PXDNL: variants seen among roughly 807,000 people sequenced by gnomAD.
PXDNL encodes the protein peroxidasin like.
Under a neutral mutation model 150.8 loss-of-function variants are expected in PXDNL, and 145 were observed. The observed-to-expected ratio is 0.96, with a 90% CI of 0.84 to 1.10. The LOEUF is 1.10. Ranked by LOEUF, PXDNL falls within the 50% of genes least tolerant of loss-of-function variation. The pLI is 0.00. For synonymous variants in PXDNL, 757 were observed against 725.7 expected (o/e 1.04, Z -0.69); for missense variants, 2,087 against 1,873.9 (o/e 1.11, Z -2.10).
chr8:51,571,938 T>C (rs983701135), intron 3 of PXDNL, among the ~76,000 whole-genome samples: 7 of 151,908 alleles, frequency 4.6e-5, no homozygotes, highest in Non-Finnish European at 8.8e-5. Context: ...TGAATGACTA[T>C]AGATTATCCC....
At chr8:51,398,303 GC>G (rs1300567597) in intron 17 of PXDNL, among the ~76,000 whole-genome samples, 1 of 152,264 alleles carries the variant, frequency 6.6e-6, no homozygotes, top group African/African-American at 2.4e-5. Flanking sequence ...GAAAGCTGAA[GC>G]AGCTGGGAAC....
chr8:51,713,305 C>G (rs1816537734), intron 1 of PXDNL, among the ~76,000 whole-genome samples: 1 of 152,238 alleles, frequency 6.6e-6, no homozygotes, highest in Non-Finnish European at 1.5e-5. Flanking sequence ...TTCCTTATCT[C>G]AGGTTTGATA....
intron 1 of PXDNL, among the ~76,000 whole-genome samples, chr8:51,658,792 C>G (rs1815208869): frequency 6.6e-6 from 1 of 152,110 alleles, no homozygotes; most frequent in Non-Finnish European, 1.5e-5. Flanking sequence ...TACATATTTT[C>G]TATGTTGTTC....
At position 51,360,146 on chromosome 8, in the gene PXDNL, C is replaced by T. The variant is rs184417047; in HGVS notation, c.3901+11727G>A. ...CACTTACTCATGTGTATCCCAGACA[C>T]GTATATACCTATACATGCATGTATA... is the stretch of plus-strand genomic sequence containing the variant. On this transcript the variant is annotated intron_variant, in intron 19 of 22. Coordinates refer to ENST00000356297, the MANE Select transcript of PXDNL (RefSeq NM_144651.5). Among the ~76,000 whole-genome samples, 102 of 151,780 alleles carry T rather than the reference C, an allele frequency of 6.7e-4. No individual in the cohort carries two copies. The Middle Eastern group carries it at 0.014, about 20-fold the overall frequency.
chr8:51,361,679 T>C (rs1806742678), intron 19 of PXDNL, among the ~76,000 whole-genome samples: 1 of 152,126 alleles, frequency 6.6e-6, no homozygotes, highest in Non-Finnish European at 1.5e-5. Context: ...TGAGAATTCC[T>C]GGCTAGGTGC....
intron 17 of PXDNL, among the ~76,000 whole-genome samples, chr8:51,379,145 AGTGAAC>A (rs1267160451): frequency 3.3e-5 from 5 of 152,128 alleles, no homozygotes; most frequent in African/African-American, 1.2e-4. Context: ...ACAAACTTCC[AGTGAAC>A]GTGGAGTTCC....
At chr8:51,546,176 T>C (rs1402710963) in intron 4 of PXDNL, among the ~76,000 whole-genome samples, 1 of 152,210 alleles carries the variant, frequency 6.6e-6, no homozygotes, top group Non-Finnish European at 1.5e-5. Flanking sequence ...CAGAAAACTG[T>C]GAGTTCCTAA....
At chr8:51,718,942 G>C (rs1246520761) in intron 1 of PXDNL, among the ~76,000 whole-genome samples, 1 of 152,054 alleles carries the variant, frequency 6.6e-6, no homozygotes, top group African/African-American at 2.4e-5. Flanking sequence ...CCGGGAGGGA[G>C]GCGGGGGGCA....
rs1416905379 is a variant in PXDNL, at chr8:51,494,852, T to A, written c.452+4847A>T. 1.5e-4 allele frequency among the ~76,000 whole-genome samples: 23 copies of A among 151,936 alleles called. No individual in the cohort carries two copies. The South Asian group carries it at 4.8e-3, about 32-fold the overall frequency. On this transcript the variant is annotated intron_variant, in intron 5 of 22. Coordinates refer to ENST00000356297, the MANE Select transcript of PXDNL (RefSeq NM_144651.5). The stretch of plus-strand genomic sequence containing the variant: ...AATGGGAGACTTTAACACCCCACTG[T>A]CAACATTAGACAGATCAACGAGACA...
At chr8:51,650,946 A>C (rs993308260) in intron 2 of PXDNL, among the ~76,000 whole-genome samples, 3 of 152,214 alleles carry the variant, frequency 2.0e-5, no homozygotes, top group South Asian at 4.1e-4. Context: ...TTGGAAAGGA[A>C]AACTGTTTAT....
In PXDNL at chr8:51,615,696, G is replaced by C. The variant is rs138660223; in HGVS notation, c.237-22998C>G. 4.2e-3 allele frequency among the ~76,000 whole-genome samples: 640 copies of C among 152,244 alleles called. 2 individuals carry two copies. Among genetic ancestry groups the C allele is most frequent in the African/African-American group, 0.014 (585 of 41,548 alleles). ...GCAGGTTTCAAGCATTCATTATAAGGTAATCTCCTTAAGATAGATTTTACC... is the reference window on the plus strand; with the variant it reads ...GCAGGTTTCAAGCATTCATTATAAGCTAATCTCCTTAAGATAGATTTTACC... On this transcript the variant is annotated intron_variant, in intron 2 of 22. Transcript: ENST00000356297.
At chr8:51,636,076 C>A (rs762001597) in intron 2 of PXDNL, among the ~76,000 whole-genome samples, 33 of 152,070 alleles carry the variant, frequency 2.2e-4, no homozygotes, top group Non-Finnish European at 3.8e-4. Flanking sequence ...TTATGCACCA[C>A]ATTAATGGAA....
intron 1 of PXDNL, among the ~76,000 whole-genome samples, chr8:51,707,936 A>AAT (rs938578393): frequency 6.6e-5 from 10 of 151,898 alleles, no homozygotes; most frequent in East Asian, 1.9e-4. Flanking sequence ...CGCACATACA[A>AAT]ATATATATAT....
At chr8:51,789,103 C>T (rs934794300) in intron 1 of PXDNL, among the ~76,000 whole-genome samples, 1 of 151,974 alleles carries the variant, frequency 6.6e-6, no homozygotes, top group Non-Finnish European at 1.5e-5. Flanking sequence ...GAATACTTTC[C>T]TACTTTCCCT....
chr8:51,561,967 C>T (rs1343189074), intron 3 of PXDNL, among the ~76,000 whole-genome samples: 2 of 151,796 alleles, frequency 1.3e-5, no homozygotes, highest in Non-Finnish European at 2.9e-5. Context: ...ATTAAAACTA[C>T]ATCCAAAACA....
intron 1 of PXDNL, among the ~76,000 whole-genome samples, chr8:51,693,501 C>T (rs750780799): frequency 1.3e-5 from 2 of 152,314 alleles, no homozygotes; most frequent in East Asian, 3.9e-4. Context: ...TGGCCAGGCA[C>T]GATGGCTCAC....
At chr8:51,740,134 T>C (rs1268894300) in intron 1 of PXDNL, among the ~76,000 whole-genome samples, 1 of 145,000 alleles carries the variant, frequency 6.9e-6, no homozygotes, top group East Asian at 1.9e-4. Context: ...AAATCGATCC[T>C]GATGTGTAAT....
intron 1 of PXDNL, among the ~76,000 whole-genome samples, chr8:51,716,299 AT>A (rs1816615087): frequency 6.6e-6 from 1 of 152,246 alleles, no homozygotes; most frequent in Non-Finnish European, 1.5e-5. Flanking sequence ...GAGCCATTGC[AT>A]TTCTGGCAGC....
At chr8:51,485,206 T>G (rs1810702007) in intron 5 of PXDNL, among the ~76,000 whole-genome samples, 1 of 152,162 alleles carries the variant, frequency 6.6e-6, no homozygotes, top group Non-Finnish European at 1.5e-5. Flanking sequence ...TCTACTATTT[T>G]GGGAACTTGA....
Sources: allele counts gnomAD v4.1 joint callset (sites outside exome capture counted in the v4.1 genomes callset), GRCh38; gene constraint gnomAD v4.1.1; transcripts MANE v1.5; gene names NCBI Gene and HGNC (gene_info 2026-07-23, HGNC 2026-07-21).